CIT: variants seen among roughly 807,000 people sequenced by gnomAD.
The protein encoded by CIT is citron Rho-interacting kinase.
CIT carries 79 observed loss-of-function variants against 272.7 expected under a neutral mutation model. The ratio of observed to expected loss-of-function variants is 0.29; its 90% CI spans 0.24 to 0.35. The LOEUF is 0.35. CIT is among the 10% of genes least tolerant of loss of function. The pLI is 1.00. For synonymous variants in CIT, 948 were observed against 995.6 expected (o/e 0.95, Z 0.90); for missense variants, 1,909 against 2,618.3 (o/e 0.73, Z 5.91).
chr12:119,867,885 T>C (rs552317676), intron 3 of CIT, among the ~76,000 whole-genome samples: 1 of 152,312 alleles, frequency 6.6e-6, no homozygotes, highest in African/African-American at 2.4e-5. Flanking sequence ...TAGGTACTTT[T>C]GCCTTCCTCA....
chr12:119,766,713 T>C (rs750158017), intron 19 of CIT, among the ~76,000 whole-genome samples: 1 of 152,146 alleles, frequency 6.6e-6, no homozygotes. Context: ...TCATATTGCA[T>C]GTCTGTATCA....
At chr12:119,853,111 C>T (rs1193689234) in intron 4 of CIT, among the ~76,000 whole-genome samples, 1 of 151,922 alleles carries the variant, frequency 6.6e-6, no homozygotes, top group African/African-American at 2.4e-5. Context: ...TGGACTACTG[C>T]AGGTCAGGAG....
rs1566105677 is a variant in CIT, at chr12:119,834,242, C to T, written c.517-14G>A. ...ATATTCCATGACCTGTATAGAATGC[C>T]AAAGTTATTAATTCTTCACACACCC... On this transcript the variant is annotated splice_polypyrimidine_tract_variant and intron_variant, in intron 5 of 47. Transcript: ENST00000392521. The T allele has an allele frequency of 6.3e-7, 1 of 1,575,520 alleles. No homozygotes were observed. Among genetic ancestry groups the T allele is most frequent in the South Asian group, 1.2e-5 (1 of 84,674 alleles).
At chr12:119,856,329 T>C (rs981334787) in intron 4 of CIT, among the ~76,000 whole-genome samples, 9 of 152,326 alleles carry the variant, frequency 5.9e-5, no homozygotes, top group African/African-American at 2.2e-4. Flanking sequence ...AGAAAAATTC[T>C]AGAAATGGAG....
intron 3 of CIT, among the ~76,000 whole-genome samples, chr12:119,868,396 AC>A (rs1471784433): frequency 2.4e-4 from 36 of 152,280 alleles, no homozygotes; most frequent in African/African-American, 8.4e-4. Context: ...GATCCTAAGC[AC>A]CGTGCCTACT....
chr12:119,711,980 G>C (rs1004349410), intron 37 of CIT, among the ~76,000 whole-genome samples, 198 bp downstream of exon 37: 10 of 152,124 alleles, frequency 6.6e-5, no homozygotes, highest in African/African-American at 2.4e-4. Context: ...AATGGATCAT[G>C]ATGCCACACA....
At chr12:119,797,375 G>A (rs1051498276) in intron 10 of CIT, among the ~76,000 whole-genome samples, 1 of 152,170 alleles carries the variant, frequency 6.6e-6, no homozygotes, top group Non-Finnish European at 1.5e-5. Context: ...AACAGAATAA[G>A]GCAAGTAGGA....
In CIT at chr12:119,712,593, G is replaced by C. The variant is rs1387119122; in HGVS notation, c.4682C>G (p.Ala1561Gly). 1.2e-6 allele frequency: 2 copies of C among 1,614,002 alleles called. No individual in the cohort carries two copies. The highest frequency in any genetic ancestry group is 1.7e-6 in the Non-Finnish European group (2 of 1,179,896). The change falls in exon 36 of 48, where the codon GCA becomes GGA. Residue 1561 changes from alanine (A) to glycine (G), a missense_variant and splice_region_variant. This residue lies in a region of CIT where 780 missense variants were observed against 1,067.2 expected (regional missense o/e 0.73). Coordinates refer to ENST00000392521, the MANE Select transcript of CIT (RefSeq NM_001206999.2). The surrounding 1 kb of genome is among the most constrained non-coding windows in gnomAD (Gnocchi z 5.2). ...GGGCTCCTCCGGCTCCTCCTCACCT[G>C]CTTTGGCTGTATTTGCGAGTTCGGA... The part of the protein sequence containing the change: ...GASELANTAK[A>G]DVPYILKMES...
chr12:119,835,101 T>C (rs1968906146), intron 5 of CIT, among the ~76,000 whole-genome samples: 1 of 152,208 alleles, frequency 6.6e-6, no homozygotes. Flanking sequence ...TCAAGTAAAA[T>C]GTTTGATTAG....
chr12:119,690,289 G>A lies in CIT; in HGVS notation c.6048C>T (p.Arg2016=). ...TELRRDKSPG[R]PLEREKSPGR... is the part of the protein sequence containing the mutation. ...CGGGGGACTTCTCTCGCTCCAGGGG[G>A]CGGCCAGGAGACTTGTCCCTGCGCA... Residue 2016 remains arginine, a synonymous_variant, in exon 47 of 48, where the codon CGC becomes CGT. Coordinates refer to ENST00000392521, the MANE Select transcript of CIT (RefSeq NM_001206999.2). This position sits in a 1 kb window ranked among gnomAD's most constrained non-coding sequence, Gnocchi z 6.0. The A allele has an allele frequency of 6.3e-7, 1 of 1,586,466 alleles. No homozygotes were observed.
At position 119,744,208 on chromosome 12, in the gene CIT, T is replaced by A. The variant is rs1959175233; in HGVS notation, c.2905-1744A>T. On this transcript the variant is annotated intron_variant, in intron 23 of 47. Transcript: ENST00000392521. ...AGAGAAAGTGGATGAAACTGAGATC[T>A]CCTTTGAAAACATAAGGAAAAGGAC... is the stretch of plus-strand genomic sequence containing the variant. 2.0e-5 allele frequency among the ~76,000 whole-genome samples: 3 copies of A among 152,138 alleles called. No homozygotes were observed. The South Asian group carries it at 6.2e-4, about 32-fold the overall frequency.
At chr12:119,790,721 G>C (rs905336573) in intron 10 of CIT, among the ~76,000 whole-genome samples, 3 of 152,116 alleles carry the variant, frequency 2.0e-5, no homozygotes, top group Non-Finnish European at 4.4e-5. Flanking sequence ...TCATGACTAG[G>C]GGTGCTATTA....
intron 40 of CIT, among the ~76,000 whole-genome samples, chr12:119,704,788 C>T (rs57064879): frequency 0.11 from 16,439 of 152,232 alleles, 2,462 homozygotes; most frequent in African/African-American, 0.34. Context: ...ACACCACACA[C>T]CTTTCCCACA....
At chr12:119,825,092 G>A (rs945698246) in intron 8 of CIT, 73 bp downstream of exon 8, 12 of 1,378,280 alleles carry the variant, frequency 8.7e-6, no homozygotes, top group Middle Eastern at 1.9e-4. Flanking sequence ...GAGCCACCAC[G>A]CCCAGCCTCA....
In CIT at chr12:119,714,305, G is replaced by A; in HGVS notation, c.4198C>T (p.His1400Tyr). 6.2e-7 allele frequency: 1 copy of A among 1,614,088 alleles called. No individual in the cohort carries two copies. Among genetic ancestry groups the A allele is most frequent in the Non-Finnish European group, 8.5e-7 (1 of 1,179,990 alleles). The change falls in exon 33 of 48, where the codon CAC becomes TAC. Residue 1400 changes from histidine to tyrosine, a missense_variant. By Grantham distance (83) the His-to-Tyr change is moderately conservative. Coordinates refer to ENST00000392521, the MANE Select transcript of CIT (RefSeq NM_001206999.2). ...TTGAATCGGTGAGGAATATTGTGGTGCATGCGTTCCTTAAGACGCCGACTA... is the reference window on the plus strand; with the variant it reads ...TTGAATCGGTGAGGAATATTGTGGTACATGCGTTCCTTAAGACGCCGACTA... Reference protein sequence around the residue: ...EFSRRLKERMHHNIPHRFNVG... With the variant: ...EFSRRLKERMYHNIPHRFNVG...
At chr12:119,840,528 C>T (rs4766951) in intron 5 of CIT, among the ~76,000 whole-genome samples, 70,096 of 151,996 alleles carry the variant, frequency 0.46, 16,965 homozygotes, top group South Asian at 0.57. Context: ...CTCAAAGAAC[C>T]TCCCAAAGGC....
chr12:119,841,635 C>T (rs1969417349), intron 5 of CIT, among the ~76,000 whole-genome samples: 1 of 152,210 alleles, frequency 6.6e-6, no homozygotes, highest in African/African-American at 2.4e-5. Context: ...CACATGACTA[C>T]GTTCTGGCCG....
chr12:119,718,694 C>T lies in CIT; in HGVS notation c.4003+5G>A, dbSNP rs771899608. 6.2e-7 allele frequency: 1 copy of T among 1,612,796 alleles called. No individual in the cohort carries two copies. ...TTGAGCATTTTGGAGAGAGTGAGCC[C>T]CTACCTTCCTCCCGGGCGGACCGGA... is the stretch of plus-strand genomic sequence containing the variant. On this transcript the variant is annotated splice_donor_5th_base_variant and intron_variant, in intron 31 of 47. Transcript: ENST00000392521. This position sits in a 1 kb window ranked among gnomAD's most constrained non-coding sequence, Gnocchi z 4.8.
intron 3 of CIT, among the ~76,000 whole-genome samples, chr12:119,864,202 T>C (rs976980637): frequency 3.3e-5 from 5 of 152,196 alleles, no homozygotes; most frequent in Admixed American, 2.0e-4. Flanking sequence ...ATCTTATCTA[T>C]AGTGAATATA....
Sources: gnomAD v4.1 joint callset for allele counts (sites outside exome capture counted in the v4.1 genomes callset) on GRCh38, gnomAD v4.1.1 for gene constraint, gnomAD v4.1.1 regional missense constraint, Gnocchi (gnomAD v3.1) non-coding constraint, MANE v1.5 for transcripts, NCBI Gene and HGNC (gene_info 2026-07-23, HGNC 2026-07-21) for gene names.